PRKAR2A: variants seen among roughly 807,000 people sequenced by gnomAD.
The protein encoded by PRKAR2A is protein kinase cAMP-dependent type II regulatory subunit alpha.
In PRKAR2A, 29 loss-of-function variants were observed where a neutral mutation model predicts 51.9. The ratio of observed to expected loss-of-function variants is 0.56; its 90% CI spans 0.42 to 0.76. The LOEUF (loss-of-function observed/expected upper bound fraction) is 0.76. PRKAR2A is among the 30% of genes least tolerant of loss of function. PRKAR2A has a pLI of 0.00. For synonymous variants in PRKAR2A, 178 were observed against 186.2 expected, an observed-to-expected ratio of 0.96 and a Z score of 0.36; for missense variants, 445 against 512.1, an observed-to-expected ratio of 0.87 and a Z score of 1.26.
chr3:48,756,937 G>A (rs540169207), intron 8 of PRKAR2A, among the ~76,000 whole-genome samples: 2 of 152,288 alleles, frequency 1.3e-5, no homozygotes, highest in South Asian at 4.1e-4. Context: ...CTAGTCCCAG[G>A]ACGTATCACT....
intron 1 of PRKAR2A, among the ~76,000 whole-genome samples, chr3:48,832,784 C>T (rs1459680151): frequency 6.6e-6 from 1 of 151,984 alleles, no homozygotes; most frequent in African/African-American, 2.4e-5. Flanking sequence ...CTATTATTTT[C>T]CTACAAGTTG....
At chr3:48,825,076 C>T (rs1378665813) in intron 1 of PRKAR2A, among the ~76,000 whole-genome samples, 1 of 138,012 alleles carries the variant, frequency 7.2e-6, no homozygotes, top group Non-Finnish European at 1.5e-5. Context: ...CTCTTGTTGC[C>T]CAGGCTGGAG....
At chr3:48,813,850 G>A (rs1417051993) in intron 1 of PRKAR2A, among the ~76,000 whole-genome samples, 3 of 152,128 alleles carry the variant, frequency 2.0e-5, no homozygotes, top group Non-Finnish European at 4.4e-5. Context: ...GGGCCAGGAT[G>A]TGTTGGCTCA....
intron 1 of PRKAR2A, among the ~76,000 whole-genome samples, chr3:48,839,144 C>T (rs2083336180): frequency 6.6e-6 from 1 of 151,022 alleles, no homozygotes. Context: ...AAACATTAGC[C>T]GGGCGTGGTG....
chr3:48,804,504 G>A (rs1371616458), intron 2 of PRKAR2A, among the ~76,000 whole-genome samples: 1 of 151,960 alleles, frequency 6.6e-6, no homozygotes, highest in East Asian at 1.9e-4. Context: ...GCAAATTGAG[G>A]GTATGTGCCA....
At chr3:48,827,239 T>C (rs1350970645) in intron 1 of PRKAR2A, among the ~76,000 whole-genome samples, 2 of 151,744 alleles carry the variant, frequency 1.3e-5, no homozygotes, top group Non-Finnish European at 1.5e-5. Context: ...ACAAATCACC[T>C]GCCCTGTTAA....
intron 5 of PRKAR2A, among the ~76,000 whole-genome samples, chr3:48,782,687 C>T (rs557473070): frequency 6.6e-6 from 1 of 152,270 alleles, no homozygotes; most frequent in Non-Finnish European, 1.5e-5. Context: ...AACCCCTCAC[C>T]TCAAGCGATC....
chr3:48,769,157 C>CTATATCTTTCTTTTTT (rs1553666412), intron 6 of PRKAR2A, among the ~76,000 whole-genome samples: 4 of 136,312 alleles, frequency 2.9e-5, no homozygotes, highest in Non-Finnish European at 4.6e-5. Context: ...AAATATCTTT[C>CTATATCTTTCTTTTTT]TTTTTTTTTT....
intron 1 of PRKAR2A, among the ~76,000 whole-genome samples, chr3:48,816,018 CAAAA>C (rs748275352): frequency 4.2e-3 from 219 of 51,670 alleles, no homozygotes; most frequent in Non-Finnish European, 6.1e-3. Flanking sequence ...GACTCCATCT[CAAAA>C]AAAAAAAAAA....
In PRKAR2A at chr3:48,760,835, C is replaced by CA. The variant is rs538538946; in HGVS notation, c.873+4168dup. 9.4e-3 allele frequency among the ~76,000 whole-genome samples: 606 copies of CA among 64,174 alleles called. 7 individuals carry two copies. The highest frequency in any genetic ancestry group is 0.029 in the East Asian group (54 of 1,886). 42.1% of individuals were successfully genotyped at this position (64,174 alleles called of 152,430 possible). Reference sequence around the variant, plus strand: ...GGGCAACAAGAGCAAAACTCCGTCTCAAAAAAAAAAAAAAAAAAATTAGCT... The same window carrying CA: ...GGGCAACAAGAGCAAAACTCCGTCTCAAAAAAAAAAAAAAAAAAAATTAGCT... On this transcript the variant is annotated intron_variant, in intron 8 of 10. Coordinates refer to ENST00000265563, the MANE Select transcript of PRKAR2A (RefSeq NM_004157.4).
intron 1 of PRKAR2A, among the ~76,000 whole-genome samples, chr3:48,822,736 T>TTTTTC (rs2082988809): frequency 6.7e-6 from 1 of 149,996 alleles, no homozygotes; most frequent in Admixed American, 6.7e-5. Flanking sequence ...TTTTTTTTTT[T>TTTTTC]TTTTTCTTTG....
In PRKAR2A at chr3:48,847,735, C is replaced by T; in HGVS notation, c.-139G>A. The stretch of plus-strand genomic sequence containing the variant: ...GGCTCACGTCGCGCCGCTCTTTGGC[C>T]GGCTCTGCGTTTCCGGGCCGCGCAA... On this transcript the variant is annotated 5_prime_UTR_variant, in exon 1 of 11. Transcript: ENST00000265563. The surrounding 1 kb of genome is among the most constrained non-coding windows in gnomAD (Gnocchi z 4.4). 2.2e-6 allele frequency: 2 copies of T among 906,300 alleles called. No individual in the cohort carries two copies. The highest frequency in any genetic ancestry group is 3.0e-6 in the Non-Finnish European group (2 of 661,970). The allele number at this position is 906,300 out of a possible 1,614,324, so 56.1% of individuals were successfully genotyped here.
Position 48,778,094 on chromosome 3 carries a change from G to A in PRKAR2A, c.542+4892C>T, listed in dbSNP as rs2082131651. ...GTAATAATTATCTATTGAAAGGTCT[G>A]TCTCTCCAACTTGACCATGAATTTT... On this transcript the variant is annotated intron_variant, in intron 5 of 10. Coordinates refer to ENST00000265563, the MANE Select transcript of PRKAR2A (RefSeq NM_004157.4). 2.0e-5 allele frequency among the ~76,000 whole-genome samples: 3 copies of A among 152,168 alleles called. No homozygotes were observed. The South Asian group carries it at 6.2e-4, about 32-fold the overall frequency.
At chr3:48,836,102 C>T (rs1022862473) in intron 1 of PRKAR2A, among the ~76,000 whole-genome samples, 9 of 151,840 alleles carry the variant, frequency 5.9e-5, no homozygotes, top group African/African-American at 2.2e-4. Flanking sequence ...TGGTGCTGAA[C>T]AACTGGATAT....
At chr3:48,801,489 A>G (rs1337068374) in intron 2 of PRKAR2A, among the ~76,000 whole-genome samples, 2 of 152,054 alleles carry the variant, frequency 1.3e-5, no homozygotes, top group African/African-American at 4.8e-5. Flanking sequence ...GGGTTTCACA[A>G]TGTTGGCCAG....
intron 5 of PRKAR2A, among the ~76,000 whole-genome samples, chr3:48,775,801 T>C (rs1308837270): frequency 1.3e-5 from 2 of 152,092 alleles, no homozygotes; most frequent in Non-Finnish European, 2.9e-5. Context: ...ATCTATATTA[T>C]GGAGTCATTA....
At chr3:48,800,897 T>C (rs1575899756) in intron 2 of PRKAR2A, among the ~76,000 whole-genome samples, 1 of 152,100 alleles carries the variant, frequency 6.6e-6, no homozygotes, top group Middle Eastern at 3.4e-3. Flanking sequence ...ATGGTCTCCA[T>C]CTCCCGACCT....
At chr3:48,778,556 G>T (rs1328834686) in intron 5 of PRKAR2A, among the ~76,000 whole-genome samples, 1 of 152,124 alleles carries the variant, frequency 6.6e-6, no homozygotes, top group Non-Finnish European at 1.5e-5. Context: ...GTCCCATTCT[G>T]TCACCCAGGC....
At chr3:48,802,187 T>C (rs2082601507) in intron 2 of PRKAR2A, among the ~76,000 whole-genome samples, 1 of 152,046 alleles carries the variant, frequency 6.6e-6, no homozygotes, top group Admixed American at 6.6e-5. Flanking sequence ...GGATTACAAG[T>C]GTGAGCCACC....
Sources: allele counts gnomAD v4.1 joint callset (sites outside exome capture counted in the v4.1 genomes callset), GRCh38; gene constraint gnomAD v4.1.1; non-coding constraint Gnocchi (gnomAD v3.1); transcripts MANE v1.5; gene names NCBI Gene and HGNC (gene_info 2026-07-23, HGNC 2026-07-21).